The following SYTL3 variants were observed in gnomAD, a reference collection of about 807,000 sequenced individuals.
SYTL3 encodes synaptotagmin like 3.
A neutral mutation model predicts 82.1 loss-of-function variants in SYTL3; 88 were observed. The observed-to-expected ratio is 1.07, with a 90% CI of 0.90 to 1.28. The LOEUF is 1.28. Ranked by LOEUF, SYTL3 falls within the 50% of genes most tolerant of loss-of-function variation. The pLI, the probability that SYTL3 is intolerant of heterozygous loss-of-function variation, is 0.00. For synonymous variants in SYTL3, 311 were observed against 289.4 expected, an observed-to-expected ratio of 1.07 and a Z score of -0.76; for missense variants, 831 against 757.6, an observed-to-expected ratio of 1.10 and a Z score of -1.14.
chr6:158,680,587 A>AAAAAAC (rs1778565620), intron 5 of SYTL3, among the ~76,000 whole-genome samples: 1 of 151,226 alleles, frequency 6.6e-6, no homozygotes, highest in East Asian at 1.9e-4. Context: ...AAAAAAAAAA[A>AAAAAAC]AAAAAAACAC....
intron 10 of SYTL3, among the ~76,000 whole-genome samples, chr6:158,721,246 C>T (rs547036655): frequency 6.6e-6 from 1 of 152,150 alleles, no homozygotes; most frequent in Non-Finnish European, 1.5e-5. Context: ...GACCAAGTCT[C>T]GCTGTCTTGC....
chr6:158,674,542 G>C (rs1046363692), intron 5 of SYTL3, among the ~76,000 whole-genome samples: 1 of 152,192 alleles, frequency 6.6e-6, no homozygotes. Context: ...CAGGTTGAGC[G>C]GTTGCCCACA....
At chr6:158,676,175 CA>C (rs1428938163) in intron 5 of SYTL3, among the ~76,000 whole-genome samples, 1 of 152,152 alleles carries the variant, frequency 6.6e-6, no homozygotes. Flanking sequence ...CTACAGTAAC[CA>C]AAACAACATG....
intron 12 of SYTL3, among the ~76,000 whole-genome samples, chr6:158,745,909 G>A (rs1787578944): frequency 6.6e-6 from 1 of 152,154 alleles, no homozygotes; most frequent in African/African-American, 2.4e-5. Flanking sequence ...ACATGATCAA[G>A]GAGTGTCTTA....
At chr6:158,728,800 C>T (rs1268867669) in intron 11 of SYTL3, among the ~76,000 whole-genome samples, 2 of 152,168 alleles carry the variant, frequency 1.3e-5, no homozygotes, top group Non-Finnish European at 1.5e-5. Flanking sequence ...ATTAGCCGGG[C>T]GCGGTGGCGC....
chr6:158,746,682 T>A (rs9457461), intron 12 of SYTL3, among the ~76,000 whole-genome samples: 1 of 151,286 alleles, frequency 6.6e-6, no homozygotes, highest in South Asian at 2.1e-4. Context: ...GCCAGGCTGG[T>A]CTCGAATTCC....
In SYTL3 at chr6:158,672,215, C is replaced by T. The variant is rs545920299; in HGVS notation, c.329+6602C>T. ...TTGAGGCAGGAGAATTGCTTGAACC[C>T]GGGAGGCGGAGGTTGCAGTGAGCCG... On this transcript the variant is annotated intron_variant, in intron 5 of 17. Coordinates refer to ENST00000611299, the MANE Select transcript of SYTL3 (RefSeq NM_001242394.2). Among the ~76,000 whole-genome samples, 34 of 152,026 alleles carry T rather than the reference C, an allele frequency of 2.2e-4. 1 individual carries two copies. The highest frequency in any genetic ancestry group is 2.0e-4 in the Admixed American group (3 of 15,248).
At chr6:158,699,401 A>G (rs761567437) in intron 6 of SYTL3, among the ~76,000 whole-genome samples, 4 of 152,230 alleles carry the variant, frequency 2.6e-5, no homozygotes, top group Non-Finnish European at 5.9e-5. Flanking sequence ...ATCCATGTAT[A>G]GGGATTTGTA....
At position 158,764,500 on chromosome 6, in the gene SYTL3, G is replaced by C; in HGVS notation, c.1729G>C (p.Asp577His). ...ATTGTCTTCCTCTCTTACAGAGGGAGACACAGCTGTTGGCGGGGATGCATG... is the reference window on the plus strand; with the variant it reads ...ATTGTCTTCCTCTCTTACAGAGGGACACACAGCTGTTGGCGGGGATGCATG... ...LGGTRLGSKG[D>H]TAVGGDACSL... The change falls in exon 18 of 18, where the codon GAC (aspartate) becomes CAC (histidine). Residue 577 changes from aspartate to histidine, a missense_variant. Asp to His is a moderately conservative substitution (Grantham distance 81). Transcript: ENST00000611299. 3 of 1,613,074 alleles carry C rather than the reference G, an allele frequency of 1.9e-6. No homozygotes were observed. Among genetic ancestry groups the C allele is most frequent in the Non-Finnish European group, 2.5e-6 (3 of 1,179,326 alleles).
chr6:158,754,165 A>G (rs1220955084), intron 13 of SYTL3, among the ~76,000 whole-genome samples: 1 of 152,186 alleles, frequency 6.6e-6, no homozygotes, highest in Non-Finnish European at 1.5e-5. Context: ...AGAAGTGCAC[A>G]TCAAATGCGA....
At position 158,751,934 on chromosome 6, in the gene SYTL3, G is replaced by A; in HGVS notation, c.1041G>A (p.Val347=). ...EEKKKKCNPY[V]KTYLLPDRSS... ...CGCTGTGTTTGGCCCCTAGGTATGT[G>A]AAGACCTACCTGTTGCCCGACAGAT... The change falls in exon 13 of 18, where the codon GTG becomes GTA. Residue 347 remains valine (V), a synonymous_variant. Coordinates refer to ENST00000611299, the MANE Select transcript of SYTL3 (RefSeq NM_001242394.2). The A allele has an allele frequency of 6.3e-7, 1 of 1,596,574 alleles. No individual in the cohort carries two copies. Among genetic ancestry groups the A allele is most frequent in the Non-Finnish European group, 8.5e-7 (1 of 1,171,912 alleles).
rs201870405 is a variant in SYTL3 at position 158,676,132 on chromosome 6, T to G, written c.330-6793T>G. On this transcript the variant is annotated intron_variant, in intron 5 of 17. Transcript: ENST00000611299. ...AGCCAAAAGAACAAAGCTGGAGGCA[T>G]CACACTACCTGACTTCAAACTATAC... Among the ~76,000 whole-genome samples, 5 of 152,338 alleles carry G rather than the reference T, an allele frequency of 3.3e-5. No individual in the cohort carries two copies. The East Asian group carries it at 9.6e-4, about 29-fold the overall frequency.
chr6:158,672,226 G>A (rs1229196830), intron 5 of SYTL3, among the ~76,000 whole-genome samples: 6 of 152,186 alleles, frequency 3.9e-5, no homozygotes, highest in African/African-American at 1.2e-4. Context: ...GGGAGGCGGA[G>A]GTTGCAGTGA....
At chr6:158,742,381 G>A (rs1787043901) in intron 11 of SYTL3, among the ~76,000 whole-genome samples, 1 of 152,162 alleles carries the variant, frequency 6.6e-6, no homozygotes, top group Non-Finnish European at 1.5e-5. Context: ...TCTAGTCTGA[G>A]GCTGAGCTGA....
At chr6:158,708,454 G>A in intron 8 of SYTL3, 63 bp downstream of exon 8, 1 of 1,508,210 alleles carries the variant, frequency 6.6e-7, no homozygotes, top group Non-Finnish European at 9.2e-7. Context: ...GAGGAAGCAG[G>A]GGAGCTTTCG....
intron 9 of SYTL3, among the ~76,000 whole-genome samples, chr6:158,715,629 C>G: frequency 2.5e-5 from 1 of 40,774 alleles, no homozygotes; most frequent in African/African-American, 1.0e-4. Context: ...ACGCACCCAG[C>G]ACCCCCCATA....
rs181095087 is a variant in SYTL3 at position 158,671,307 on chromosome 6, G to A, written c.329+5694G>A. Among the ~76,000 whole-genome samples, 10 of 152,220 alleles carry A rather than the reference G, an allele frequency of 6.6e-5. No individual in the cohort carries two copies. In the East Asian group the frequency reaches 1.9e-3, roughly 29 times the overall value. On this transcript the variant is annotated intron_variant, in intron 5 of 17. Coordinates refer to ENST00000611299, the MANE Select transcript of SYTL3 (RefSeq NM_001242394.2). ...CTTTAAAACCTTTTTGAGAACCGGT[G>A]AGCTTTCTGCGCATTGTCTTTTGTT... is the stretch of plus-strand genomic sequence containing the variant.
chr6:158,670,137 A>G (rs911793605), intron 5 of SYTL3, among the ~76,000 whole-genome samples: 1 of 152,224 alleles, frequency 6.6e-6, no homozygotes, highest in East Asian at 1.9e-4. Context: ...AACTTCCCAG[A>G]TTTTAGAAAA....
intron 11 of SYTL3, among the ~76,000 whole-genome samples, chr6:158,737,851 C>T (rs1562444928): frequency 6.6e-6 from 1 of 152,154 alleles, no homozygotes; most frequent in Non-Finnish European, 1.5e-5. Flanking sequence ...GCAGACACAG[C>T]GGTTGAACTA....
Sources: allele counts gnomAD v4.1 joint callset (sites outside exome capture counted in the v4.1 genomes callset), GRCh38; gene constraint gnomAD v4.1.1; transcripts MANE v1.5; gene names NCBI Gene and HGNC (gene_info 2026-07-23, HGNC 2026-07-21).